NAV3: variants seen among roughly 807,000 people sequenced by gnomAD.
NAV3 encodes the protein neuron navigator 3, also known as pore membrane and/or filament interacting like protein 1.
A neutral mutation model predicts 244.7 loss-of-function variants in NAV3; 87 were observed. That is an observed-to-expected ratio of 0.36 (90% CI 0.30 to 0.42). The LOEUF (loss-of-function observed/expected upper bound fraction) is 0.42, where lower values mean the gene tolerates loss of function less well. Ranked by LOEUF, NAV3 falls within the 20% of genes least tolerant of loss-of-function variation. The pLI, the probability that NAV3 is intolerant of heterozygous loss-of-function variation, is 1.00. For synonymous variants in NAV3, 1,126 were observed against 1,042.2 expected (o/e 1.08, Z -1.55); for missense variants, 2,663 against 2,893.3 (o/e 0.92, Z 1.83).
chr12:77,765,208 G>GAGC (rs1869679037), intron 2 of NAV3, among the ~76,000 whole-genome samples: 2 of 152,138 alleles, frequency 1.3e-5, no homozygotes, highest in Non-Finnish European at 2.9e-5. Flanking sequence ...AAGATTCTCT[G>GAGC]ATCTCTTTGA....
intron 2 of NAV3, among the ~76,000 whole-genome samples, chr12:77,671,413 TCCTAAAATTCATATGGAA>T (rs1873967332): frequency 6.6e-6 from 1 of 151,958 alleles, no homozygotes; most frequent in Admixed American, 6.6e-5. Context: ...AAAAAAATGA[TCCTAAAATTCATATGGAA>T]CCTAAAAGGA....
chr12:77,740,948 C>T (rs1868317262), intron 2 of NAV3, among the ~76,000 whole-genome samples: 1 of 151,848 alleles, frequency 6.6e-6, no homozygotes, highest in Non-Finnish European at 1.5e-5. Flanking sequence ...TTCCCAAACG[C>T]TGTGAGTACT....
At chr12:78,019,956 G>A (rs1876872773) in intron 8 of NAV3, among the ~76,000 whole-genome samples, 1 of 152,066 alleles carries the variant, frequency 6.6e-6, no homozygotes, top group East Asian at 1.9e-4. Flanking sequence ...TATATACATT[G>A]GGAATTCAGA....
At chr12:78,102,618 C>G (rs968965979) in intron 12 of NAV3, among the ~76,000 whole-genome samples, 2 of 152,224 alleles carry the variant, frequency 1.3e-5, no homozygotes, top group Non-Finnish European at 2.9e-5. Flanking sequence ...CTGCACTGCC[C>G]TAGCAGAGAT....
intron 2 of NAV3, among the ~76,000 whole-genome samples, chr12:77,579,355 T>A (rs1869241311): frequency 6.6e-6 from 1 of 152,204 alleles, no homozygotes; most frequent in Non-Finnish European, 1.5e-5. Flanking sequence ...CTACCTTACT[T>A]CATTTTGTGC....
At chr12:77,716,511 A>G (rs978009951) in intron 2 of NAV3, among the ~76,000 whole-genome samples, 1 of 151,936 alleles carries the variant, frequency 6.6e-6, no homozygotes, top group East Asian at 1.9e-4. Flanking sequence ...AATTTTTCTA[A>G]AGGATTGTAA....
chr12:77,829,806 A>G (rs777739905), upstream of NAV3, among the ~76,000 whole-genome samples: 1 of 152,146 alleles, frequency 6.6e-6, no homozygotes, highest in Non-Finnish European at 1.5e-5. Context: ...ACTGCTTCTT[A>G]GATAAAAGTA....
rs558536503 is a variant in NAV3, at chr12:77,942,345, C to T, written c.414+1212C>T. ...GAGGATTGTGCCATTGCACTCCGGCCTGGGCAATACGAGCAAAACTCTGTC... is the reference window on the plus strand; with the variant it reads ...GAGGATTGTGCCATTGCACTCCGGCTTGGGCAATACGAGCAAAACTCTGTC... On this transcript the variant is annotated intron_variant, in intron 3 of 39. Transcript: ENST00000397909. Among the ~76,000 whole-genome samples the T allele has an allele frequency of 9.2e-4, 139 of 151,764 alleles. 2 individuals are homozygous for T. In the Middle Eastern group the frequency reaches 0.034, roughly 37 times the overall value.
upstream of NAV3, among the ~76,000 whole-genome samples, chr12:77,827,156 C>G (rs764571120): frequency 1.3e-5 from 2 of 150,456 alleles, no homozygotes; most frequent in Non-Finnish European, 2.9e-5. Flanking sequence ...TCGCTTGAAC[C>G]CGGGAGGCAG....
intron 1 of NAV3, among the ~76,000 whole-genome samples, chr12:77,841,263 T>C (rs1875594709): frequency 6.6e-6 from 1 of 152,206 alleles, no homozygotes; most frequent in Admixed American, 6.5e-5. Flanking sequence ...GCCACCTCCA[T>C]AAACGAAAAG....
At chr12:77,829,183 C>T (rs1873334227), upstream of NAV3, among the ~76,000 whole-genome samples, 1 of 152,234 alleles carries the variant, frequency 6.6e-6, no homozygotes, top group African/African-American at 2.4e-5. Flanking sequence ...TTTGCAGTTG[C>T]CCTGACCCTG....
intron 1 of NAV3, among the ~76,000 whole-genome samples, chr12:77,832,789 C>G (rs1168289463): frequency 1.3e-5 from 2 of 152,146 alleles, no homozygotes; most frequent in African/African-American, 4.8e-5. Flanking sequence ...CTCGCCACTA[C>G]CCTTTCCAGC....
intron 12 of NAV3, among the ~76,000 whole-genome samples, chr12:78,113,532 T>C (rs1353915903): frequency 6.6e-6 from 1 of 152,212 alleles, no homozygotes; most frequent in Non-Finnish European, 1.5e-5. Flanking sequence ...GGCTTTCACC[T>C]TCTGAAGCCA....
At chr12:77,579,844 G>A (rs1366836312) in intron 2 of NAV3, among the ~76,000 whole-genome samples, 2 of 152,144 alleles carry the variant, frequency 1.3e-5, no homozygotes, top group Non-Finnish European at 2.9e-5. Flanking sequence ...TTTGGTTCTC[G>A]AATCCGACAC....
intron 2 of NAV3, among the ~76,000 whole-genome samples, chr12:77,708,923 TTTG>T (rs1875967290): frequency 6.6e-6 from 1 of 152,184 alleles, no homozygotes; most frequent in African/African-American, 2.4e-5. Context: ...ATCCTGAGAC[TTTG>T]CTGAAGTTGC....
intron 2 of NAV3, among the ~76,000 whole-genome samples, chr12:77,723,703 C>A (rs1876742751): frequency 6.9e-6 from 1 of 144,232 alleles, no homozygotes; most frequent in Non-Finnish European, 1.5e-5. Flanking sequence ...TAGTTGATGC[C>A]CTTTCTGAGT....
intron 18 of NAV3, among the ~76,000 whole-genome samples, chr12:78,133,929 G>A (rs1439339659): frequency 2.0e-5 from 3 of 152,156 alleles, no homozygotes; most frequent in African/African-American, 7.2e-5. Context: ...AGAAACAGAA[G>A]AGGTCATAGT....
intron 1 of NAV3, among the ~76,000 whole-genome samples, chr12:77,890,375 C>A (rs976226203): frequency 4.6e-5 from 7 of 152,110 alleles, no homozygotes; most frequent in Non-Finnish European, 8.8e-5. Flanking sequence ...CTCTGCCTCC[C>A]AAAGTGCTGG....
At chr12:78,057,246 A>C (rs570568023) in intron 11 of NAV3, among the ~76,000 whole-genome samples, 3 of 152,244 alleles carry the variant, frequency 2.0e-5, no homozygotes, top group Non-Finnish European at 4.4e-5. Flanking sequence ...TAGTTGGGCC[A>C]AGAATATAAC....
Sources: allele counts gnomAD v4.1 joint callset (sites outside exome capture counted in the v4.1 genomes callset), GRCh38; gene constraint gnomAD v4.1.1; transcripts MANE v1.5; gene names NCBI Gene and HGNC (gene_info 2026-07-23, HGNC 2026-07-21).